The following CRYBA4 variants were observed in gnomAD, a reference collection of about 807,000 sequenced individuals.
The protein encoded by CRYBA4 is crystallin beta A4.
In CRYBA4, 30 loss-of-function variants were observed where a neutral mutation model predicts 31.7. The ratio of observed to expected loss-of-function variants is 0.95; its 90% confidence interval spans 0.71 to 1.28. The LOEUF is 1.28. Among genes scored for constraint, CRYBA4 ranks in the 50% most tolerant of loss-of-function variants. The pLI is 0.00. For synonymous variants in CRYBA4, 102 were observed against 102.3 expected, an observed-to-expected ratio of 1.00 and a Z score of 0.02; for missense variants, 225 against 260.7, an observed-to-expected ratio of 0.86 and a Z score of 0.94.
chr22:26,612,217 G>A, the CRYBA4 span: 2 of 1,515,536 alleles, frequency 1.3e-6, no homozygotes, highest in East Asian at 2.3e-5. Flanking sequence ...CCCATGCCAA[G>A]GGCAGAGTGA....
chr22:26,610,629 G>A, the CRYBA4 span, among the ~76,000 whole-genome samples: 1 of 152,192 alleles, frequency 6.6e-6, no homozygotes, highest in Non-Finnish European at 1.5e-5. Context: ...ATGGTCCCGG[G>A]TAGCCTCCAG....
At chr22:26,616,279 G>T in the CRYBA4 span, 8 of 1,613,864 alleles carry the variant, frequency 5.0e-6, no homozygotes, top group South Asian at 6.6e-5. Flanking sequence ...TGGGTTCACC[G>T]CCACTGTGGC....
At chr22:26,626,071 A>T (rs1929695921) in intron 4 of CRYBA4, among the ~76,000 whole-genome samples, 1 of 151,222 alleles carries the variant, frequency 6.6e-6, no homozygotes, top group Non-Finnish European at 1.5e-5. Context: ...GGGCATTATT[A>T]TTCCCATCTC....
At chr22:26,628,692 T>C (rs1602343213) in intron 5 of CRYBA4, among the ~76,000 whole-genome samples, 1 of 152,058 alleles carries the variant, frequency 6.6e-6, no homozygotes, top group African/African-American at 2.4e-5. Context: ...GGTATCTCTC[T>C]CCCCCCACAA....
At chr22:26,617,578 C>G (rs1015618365), upstream of CRYBA4, among the ~76,000 whole-genome samples, 5 of 151,948 alleles carry the variant, frequency 3.3e-5, no homozygotes, top group African/African-American at 1.2e-4. Flanking sequence ...TTCTCATTCT[C>G]TCTCTCTCCC....
intron 1 of CRYBA4, 138 bp from the exon 2 acceptor site, chr22:26,622,447 C>T: frequency 2.7e-6 from 2 of 741,594 alleles, no homozygotes; most frequent in South Asian, 3.0e-5. Flanking sequence ...GAGGGACAGG[C>T]CAAAGCCATG....
the CRYBA4 span, chr22:26,602,107 G>C: frequency 6.5e-7 from 1 of 1,535,542 alleles, no homozygotes; most frequent in Non-Finnish European, 8.9e-7. Context: ...GGTGTGGAGC[G>C]AGAGAGATGA....
chr22:26,616,290 C>A, the CRYBA4 span: 3 of 1,613,842 alleles, frequency 1.9e-6, no homozygotes, highest in Non-Finnish European at 2.5e-6. Context: ...CCACTGTGGC[C>A]GAGGCCGAGG....
chr22:26,593,948 A>T, the CRYBA4 span, among the ~76,000 whole-genome samples: 11 of 152,188 alleles, frequency 7.2e-5, no homozygotes, highest in African/African-American at 2.7e-4. Context: ...CATTTTACAG[A>T]TGTGGAAACA....
the CRYBA4 span, chr22:26,599,732 G>C: frequency 1.4e-6 from 2 of 1,388,064 alleles, no homozygotes; most frequent in Non-Finnish European, 1.0e-6. Flanking sequence ...CTGGCACCCA[G>C]ACCCCTGCCA....
At chr22:26,593,914 T>C in the CRYBA4 span, among the ~76,000 whole-genome samples, 340 of 152,330 alleles carry the variant, frequency 2.2e-3, 2 homozygotes, top group African/African-American at 7.7e-3. Context: ...CTCCAAGCTT[T>C]TGGTGTTTTA....
At chr22:26,620,158 A>T (rs1298159068), upstream of CRYBA4, among the ~76,000 whole-genome samples, 1 of 152,004 alleles carries the variant, frequency 6.6e-6, no homozygotes, top group African/African-American at 2.4e-5. Context: ...TAAAATTGGA[A>T]CTCACATCTT....
At chr22:26,629,515 G>A (rs1929854869) in intron 5 of CRYBA4, among the ~76,000 whole-genome samples, 1 of 151,972 alleles carries the variant, frequency 6.6e-6, no homozygotes, top group South Asian at 2.1e-4. Context: ...GCTGAGGTGG[G>A]CGGATCACCT....
At chr22:26,614,338 C>G in the CRYBA4 span, among the ~76,000 whole-genome samples, 234 of 152,272 alleles carry the variant, frequency 1.5e-3, no homozygotes, top group African/African-American at 5.3e-3. Context: ...TGTGATGTCT[C>G]CCCCGGACGC....
chr22:26,627,359 C>CCCTCCTTTCT (rs1404229613), intron 4 of CRYBA4, among the ~76,000 whole-genome samples: 2 of 41,820 alleles, frequency 4.8e-5, no homozygotes, highest in Admixed American at 2.9e-4. Flanking sequence ...CTCCCTCCCT[C>CCCTCCTTTCT]CTTTCTTTCT....
At chr22:26,602,046 G>A in the CRYBA4 span, 4 of 1,612,242 alleles carry the variant, frequency 2.5e-6, no homozygotes, top group Non-Finnish European at 3.4e-6. Flanking sequence ...GCCGGGTCAG[G>A]TGTGTGAAGT....
upstream of CRYBA4, among the ~76,000 whole-genome samples, chr22:26,620,003 C>CTT (rs57928877): frequency 2.2e-5 from 3 of 138,392 alleles, no homozygotes; most frequent in Non-Finnish European, 4.7e-5. Flanking sequence ...TTTTTCTTTT[C>CTT]TTTTTTTTTT....
chr22:26,627,476 C>T (rs59674662), intron 4 of CRYBA4, among the ~76,000 whole-genome samples: 38 of 71,536 alleles, frequency 5.3e-4, no homozygotes, highest in African/African-American at 2.0e-3. Context: ...TTCTTTCTTT[C>T]TCTTTCTTTC....
the CRYBA4 span, among the ~76,000 whole-genome samples, chr22:26,605,738 G>A: frequency 1.4e-5 from 2 of 142,530 alleles, no homozygotes; most frequent in African/African-American, 2.6e-5. Flanking sequence ...TCAAGTAGAA[G>A]ATGGTCAGGT....
Sources: allele counts gnomAD v4.1 joint callset (sites outside exome capture counted in the v4.1 genomes callset), GRCh38; gene constraint gnomAD v4.1.1; transcripts MANE v1.5; gene names NCBI Gene and HGNC (gene_info 2026-07-23, HGNC 2026-07-21).